Variants in SPATS2L observed in about 807,000 individuals in gnomAD.
SPATS2L encodes the protein SPATS2-like protein.
A neutral mutation model predicts 59.6 loss-of-function variants in SPATS2L; 30 were observed. The ratio of observed to expected loss-of-function variants is 0.50; its 90% confidence interval spans 0.38 to 0.68. The LOEUF is 0.68. SPATS2L is among the 30% of genes least tolerant of loss of function. The pLI is 0.00. For synonymous variants in SPATS2L, 252 were observed against 263.5 expected, an observed-to-expected ratio of 0.96 and a Z score of 0.42; for missense variants, 615 against 700.0, an observed-to-expected ratio of 0.88 and a Z score of 1.37.
At chr2:200,473,226 TC>T (rs1339914212) in intron 12 of SPATS2L, among the ~76,000 whole-genome samples, 174 bp downstream of exon 12, 8 of 152,078 alleles carry the variant, frequency 5.3e-5, no homozygotes, top group African/African-American at 1.7e-4. Flanking sequence ...TCTTGGGAAC[TC>T]CCCTGGTCGC....
chr2:200,350,948 T>C (rs777986653), intron 2 of SPATS2L, among the ~76,000 whole-genome samples: 3 of 152,164 alleles, frequency 2.0e-5, no homozygotes, highest in Non-Finnish European at 2.9e-5. Context: ...GCTTCAGCAA[T>C]ACAGAGAATG....
chr2:200,307,320 C>A (rs2079055666), intron 1 of SPATS2L, among the ~76,000 whole-genome samples: 1 of 151,802 alleles, frequency 6.6e-6, no homozygotes, highest in Non-Finnish European at 1.5e-5. Flanking sequence ...CGTTCCCTCC[C>A]AAGCCGGAAA....
At chr2:200,305,986 G>A (rs749358574), upstream of SPATS2L, 40 of 966,000 alleles carry the variant, frequency 4.1e-5, no homozygotes, top group Admixed American at 6.2e-5. Context: ...GTACTCCCAG[G>A]CAGAAACCCA....
At chr2:200,379,471 T>G (rs534419622) in intron 2 of SPATS2L, among the ~76,000 whole-genome samples, 3 of 152,322 alleles carry the variant, frequency 2.0e-5, no homozygotes, top group Admixed American at 2.0e-4. Flanking sequence ...TGTCGGTGTT[T>G]AATGAATGTT....
intron 2 of SPATS2L, among the ~76,000 whole-genome samples, chr2:200,364,659 A>T (rs2081213759): frequency 1.3e-5 from 2 of 152,180 alleles, no homozygotes; most frequent in Admixed American, 1.3e-4. Context: ...TGCCATCCAG[A>T]TACCACCCAC....
intron 4 of SPATS2L, among the ~76,000 whole-genome samples, chr2:200,413,161 C>T (rs1457048307): frequency 1.3e-5 from 2 of 152,230 alleles, no homozygotes; most frequent in Non-Finnish European, 2.9e-5. Flanking sequence ...CTCCAACCAG[C>T]ATAATCCTAC....
chr2:200,335,165 A>C (rs2080099597), intron 2 of SPATS2L, among the ~76,000 whole-genome samples: 1 of 152,164 alleles, frequency 6.6e-6, no homozygotes, highest in African/African-American at 2.4e-5. Flanking sequence ...CTTATTAAAA[A>C]ACAGACAAAA....
At chr2:200,437,470 G>A (rs2084378833) in intron 6 of SPATS2L, among the ~76,000 whole-genome samples, 1 of 152,114 alleles carries the variant, frequency 6.6e-6, no homozygotes, top group Non-Finnish European at 1.5e-5. Flanking sequence ...ATGGTGTTCG[G>A]GAAGTTGCAT....
chr2:200,419,710 A>ATTTT (rs3033399), intron 6 of SPATS2L, among the ~76,000 whole-genome samples: 106 of 131,658 alleles, frequency 8.1e-4, no homozygotes, highest in African/African-American at 2.9e-3. Context: ...AAGTCAGAGG[A>ATTTT]TTTTTTTTTT....
intron 9 of SPATS2L, 38 bp downstream of exon 9, chr2:200,459,865 C>T: frequency 6.7e-7 from 1 of 1,485,270 alleles, no homozygotes; most frequent in Non-Finnish European, 9.3e-7. Flanking sequence ...TTAGGAGCTT[C>T]CCAATCAGAA....
At chr2:200,429,128 C>T (rs1366396945) in intron 6 of SPATS2L, among the ~76,000 whole-genome samples, 1 of 152,188 alleles carries the variant, frequency 6.6e-6, no homozygotes, top group Non-Finnish European at 1.5e-5. Flanking sequence ...TCGTTCTTGC[C>T]CTCTCTACTT....
At position 200,445,602 on chromosome 2, in the gene SPATS2L, G is replaced by A. The variant is rs905350861; in HGVS notation, c.788+4818G>A. Among the ~76,000 whole-genome samples the A allele has an allele frequency of 3.9e-5, 6 of 152,278 alleles. No individual in the cohort carries two copies. In the East Asian group the frequency reaches 9.6e-4, roughly 24 times the overall value. On this transcript the variant is annotated intron_variant, in intron 8 of 12. Transcript: ENST00000409140. ...TGGCACTGCTGAGCATCAGAACCAC[G>A]TATATGTAACTGTATGTCCCATATT...
At chr2:200,379,686 TG>T (rs2081733488) in intron 2 of SPATS2L, among the ~76,000 whole-genome samples, 2 of 149,860 alleles carry the variant, frequency 1.3e-5, no homozygotes, top group Non-Finnish European at 3.0e-5. Flanking sequence ...TGCCAGCGGG[TG>T]GTGGGGGGGA....
intron 1 of SPATS2L, among the ~76,000 whole-genome samples, chr2:200,317,806 C>A (rs2079429477): frequency 6.6e-6 from 1 of 152,138 alleles, no homozygotes; most frequent in Non-Finnish European, 1.5e-5. Context: ...TATTTCTATT[C>A]TTTGCTGATA....
intron 1 of SPATS2L, among the ~76,000 whole-genome samples, chr2:200,327,023 AG>A (rs1221008551): frequency 6.6e-6 from 1 of 150,462 alleles, no homozygotes; most frequent in African/African-American, 2.5e-5. Flanking sequence ...CTAGGATTAC[AG>A]GTGTGAGTCA....
chr2:200,360,993 G>GTGTGTGTGTGTGTGTA (rs1273810962), intron 2 of SPATS2L, among the ~76,000 whole-genome samples: 9 of 151,202 alleles, frequency 6.0e-5, no homozygotes, highest in African/African-American at 1.9e-4. Context: ...GTGTGTGTGT[G>GTGTGTGTGTGTGTGTA]TGTGACTGTG....
At chr2:200,321,071 AAGTC>A (rs1395266631) in intron 1 of SPATS2L, among the ~76,000 whole-genome samples, 1 of 152,220 alleles carries the variant, frequency 6.6e-6, no homozygotes, top group South Asian at 2.1e-4. Flanking sequence ...AAAAAATTAA[AAGTC>A]AGCTCAAATT....
intron 2 of SPATS2L, among the ~76,000 whole-genome samples, chr2:200,373,614 T>C (rs887747214): frequency 6.6e-6 from 1 of 152,240 alleles, no homozygotes; most frequent in African/African-American, 2.4e-5. Flanking sequence ...TTATGTAATA[T>C]TTGGTGTTAG....
intron 2 of SPATS2L, among the ~76,000 whole-genome samples, chr2:200,337,270 A>G (rs188449617): frequency 3.8e-4 from 58 of 152,360 alleles, no homozygotes; most frequent in Non-Finnish European, 6.5e-4. Context: ...AAATTTTTTA[A>G]TAAAGTAATG....
Sources: allele counts gnomAD v4.1 joint callset (sites outside exome capture counted in the v4.1 genomes callset), GRCh38; gene constraint gnomAD v4.1.1; transcripts MANE v1.5; gene names NCBI Gene and HGNC (gene_info 2026-07-23, HGNC 2026-07-21).